The following PAM variants were observed in gnomAD, a reference collection of about 807,000 sequenced individuals.
The protein encoded by PAM is peptidylglycine alpha-amidating monooxygenase.
PAM carries 72 observed loss-of-function variants against 122.1 expected under a neutral mutation model. The ratio of observed to expected loss-of-function variants is 0.59; its 90% CI spans 0.49 to 0.72. The LOEUF is 0.72. Among genes scored for constraint, PAM ranks in the 30% least tolerant of loss-of-function variants. PAM has a pLI of 0.00. For missense variants in PAM, 1,106 were observed against 1,183.7 expected, an observed-to-expected ratio of 0.93 and a Z score of 0.96; for synonymous variants, 389 against 404.4, an observed-to-expected ratio of 0.96 and a Z score of 0.46.
intron 1 of PAM, among the ~76,000 whole-genome samples, chr5:102,766,448 ACT>A (rs1000648427): frequency 1.1e-4 from 16 of 151,952 alleles, no homozygotes; most frequent in Admixed American, 3.3e-4. Flanking sequence ...CTCCTATGAG[ACT>A]CTAATGCCGC....
chr5:102,969,545 G>C (rs540429787), intron 14 of PAM, among the ~76,000 whole-genome samples: 4 of 152,076 alleles, frequency 2.6e-5, no homozygotes, highest in African/African-American at 9.7e-5. Flanking sequence ...GAGTACTGGT[G>C]GTAAGGAGGG....
chr5:102,880,382 AT>A (rs1179786298), intron 3 of PAM, among the ~76,000 whole-genome samples: 1 of 152,190 alleles, frequency 6.6e-6, no homozygotes, highest in Admixed American at 6.5e-5. Context: ...GAGAATATAA[AT>A]TCTTTCCCAA....
intron 5 of PAM, among the ~76,000 whole-genome samples, chr5:102,917,255 A>C (rs1002865941): frequency 6.6e-6 from 1 of 152,160 alleles, no homozygotes; most frequent in African/African-American, 2.4e-5. Context: ...TTATCCTGTC[A>C]TCTGAATTAT....
At chr5:102,811,038 G>T (rs1481309561) in intron 1 of PAM, among the ~76,000 whole-genome samples, 1 of 152,066 alleles carries the variant, frequency 6.6e-6, no homozygotes, top group Non-Finnish European at 1.5e-5. Context: ...CCTTCTACAG[G>T]CCAGTTTTCA....
chr5:102,785,411 T>C (rs1760242191), intron 1 of PAM, among the ~76,000 whole-genome samples: 1 of 152,226 alleles, frequency 6.6e-6, no homozygotes, highest in Admixed American at 6.5e-5. Flanking sequence ...CTTTGGTAGA[T>C]ACGTGGGAGA....
chr5:102,773,302 G>A (rs1472550277), intron 1 of PAM, among the ~76,000 whole-genome samples: 2 of 152,098 alleles, frequency 1.3e-5, no homozygotes, highest in African/African-American at 2.4e-5. Context: ...CAGTGACAAC[G>A]TAGAGGAGTT....
chr5:102,824,133 A>G (rs1772874376), intron 1 of PAM, among the ~76,000 whole-genome samples: 1 of 152,190 alleles, frequency 6.6e-6, no homozygotes, highest in Admixed American at 6.5e-5. Flanking sequence ...TTAATTCAAG[A>G]CCATACTTAA....
intron 1 of PAM, among the ~76,000 whole-genome samples, chr5:102,761,716 G>T (rs1752415319): frequency 6.6e-6 from 1 of 152,150 alleles, no homozygotes; most frequent in South Asian, 2.1e-4. Flanking sequence ...TTTAAAGATA[G>T]AATTTATTAT....
chr5:102,803,627 T>G (rs972185354), intron 1 of PAM, among the ~76,000 whole-genome samples: 34 of 152,112 alleles, frequency 2.2e-4, no homozygotes, highest in African/African-American at 7.0e-4. Flanking sequence ...TTTTGTTTTG[T>G]TTTTCATTTC....
chr5:102,845,044 T>G (rs1046998156), intron 1 of PAM, among the ~76,000 whole-genome samples: 1 of 152,232 alleles, frequency 6.6e-6, no homozygotes, highest in Non-Finnish European at 1.5e-5. Flanking sequence ...CTGGGAATCT[T>G]GATAAAATAC....
intron 14 of PAM, among the ~76,000 whole-genome samples, chr5:102,963,983 A>T (rs535670261): frequency 6.6e-6 from 1 of 151,348 alleles, no homozygotes; most frequent in Admixed American, 6.6e-5. Flanking sequence ...AGAAGAAATG[A>T]CCTTTACTAA....
chr5:102,929,852 A>G (rs1165152885), intron 7 of PAM, among the ~76,000 whole-genome samples: 1 of 149,668 alleles, frequency 6.7e-6, no homozygotes, highest in East Asian at 2.0e-4. Context: ...AAACATTATG[A>G]GATGTTTTTT....
intron 7 of PAM, among the ~76,000 whole-genome samples, chr5:102,929,260 G>A (rs1213829534): frequency 6.6e-6 from 1 of 152,118 alleles, no homozygotes; most frequent in African/African-American, 2.4e-5. Flanking sequence ...TTTACTATAG[G>A]AATGTATTCT....
chr5:102,810,766 T>C (rs1425727192), intron 1 of PAM, among the ~76,000 whole-genome samples: 2 of 151,928 alleles, frequency 1.3e-5, no homozygotes, highest in East Asian at 3.9e-4. Context: ...AGGCGGAGGT[T>C]GTGGTGAGCC....
intron 1 of PAM, among the ~76,000 whole-genome samples, chr5:102,762,640 G>A (rs796242966): frequency 2.6e-4 from 40 of 152,112 alleles, no homozygotes; most frequent in African/African-American, 9.2e-4. Flanking sequence ...AATTATATTG[G>A]TTCTAGTGTT....
intron 3 of PAM, among the ~76,000 whole-genome samples, chr5:102,892,236 T>C (rs1053491362): frequency 1.3e-5 from 2 of 151,830 alleles, no homozygotes; most frequent in South Asian, 2.1e-4. Context: ...CTTGTGATCA[T>C]GAAGGGAGGC....
chr5:102,836,715 G>C (rs1272467034), intron 1 of PAM, among the ~76,000 whole-genome samples: 1 of 151,982 alleles, frequency 6.6e-6, no homozygotes, highest in African/African-American at 2.4e-5. Context: ...GTATTATCTA[G>C]TGCCACCTAT....
chr5:102,891,304 A>C (rs1290904387), intron 3 of PAM, among the ~76,000 whole-genome samples: 1 of 151,922 alleles, frequency 6.6e-6, no homozygotes, highest in Non-Finnish European at 1.5e-5. Flanking sequence ...ATTGCCTAAT[A>C]CTGAAGTAGA....
At chr5:102,871,769 T>G (rs1300266873) in intron 3 of PAM, among the ~76,000 whole-genome samples, 1 of 148,198 alleles carries the variant, frequency 6.7e-6, no homozygotes, top group Non-Finnish European at 1.5e-5. Flanking sequence ...AAATAAGCCT[T>G]GATTTTTTTT....
Sources: gnomAD v4.1 joint callset for allele counts (sites outside exome capture counted in the v4.1 genomes callset) on GRCh38, gnomAD v4.1.1 for gene constraint, MANE v1.5 for transcripts, NCBI Gene and HGNC (gene_info 2026-07-23, HGNC 2026-07-21) for gene names.